DTNA: variants seen among roughly 807,000 people sequenced by gnomAD.
DTNA encodes the protein dystrophin-related protein 3.
A neutral mutation model predicts 100.7 loss-of-function variants in DTNA; 43 were observed. The ratio of observed to expected loss-of-function variants is 0.43; its 90% CI spans 0.33 to 0.55. The LOEUF (loss-of-function observed/expected upper bound fraction) is 0.55, where lower values mean the gene tolerates loss of function less well. Ranked by LOEUF, DTNA falls within the 20% of genes least tolerant of loss-of-function variation. The probability of loss-of-function intolerance (pLI) is 0.04; values close to 1 mark genes in which losing one functional copy is unlikely to be tolerated. For missense variants in DTNA, 798 were observed against 953.9 expected (o/e 0.84, Z 2.15); for synonymous variants, 349 against 347.9 (o/e 1.00, Z -0.04).
chr18:34,527,290 A>G (rs1490231601), intron 1 of DTNA, among the ~76,000 whole-genome samples: 2 of 152,036 alleles, frequency 1.3e-5, no homozygotes, highest in African/African-American at 2.4e-5. Context: ...TTTTATCTCA[A>G]GTCATACTTC....
At chr18:34,841,058 T>G (rs1245323207) in intron 13 of DTNA, among the ~76,000 whole-genome samples, 1 of 151,840 alleles carries the variant, frequency 6.6e-6, no homozygotes, top group Non-Finnish European at 1.5e-5. Context: ...TTCAGAGCCT[T>G]GTATACATAA....
intron 1 of DTNA, among the ~76,000 whole-genome samples, chr18:34,613,859 A>G (rs571687263): frequency 2.2e-3 from 329 of 152,370 alleles, no homozygotes; most frequent in Admixed American, 6.0e-3. Context: ...GATCTAGCTA[A>G]GAAGACTGAG....
chr18:34,653,851 A>T (rs946992593), intron 1 of DTNA, among the ~76,000 whole-genome samples: 1 of 152,100 alleles, frequency 6.6e-6, no homozygotes. Context: ...AACAAAAAAT[A>T]CCACTGAGGA....
chr18:34,759,602 C>T (rs2093006432), intron 2 of DTNA, among the ~76,000 whole-genome samples: 1 of 152,178 alleles, frequency 6.6e-6, no homozygotes, highest in African/African-American at 2.4e-5. Context: ...AGAGTGATGC[C>T]ACCGGCCTGT....
At chr18:34,612,615 T>A (rs1303910675) in intron 1 of DTNA, among the ~76,000 whole-genome samples, 1 of 152,252 alleles carries the variant, frequency 6.6e-6, no homozygotes, top group Non-Finnish European at 1.5e-5. Context: ...GAGTATTTTC[T>A]GCCTATGCTG....
rs9952616 is a variant in DTNA at position 34,623,353 on chromosome 18, T to G, written c.-2+129839T>G. Among the ~76,000 whole-genome samples, 1,360 of 152,362 alleles carry G rather than the reference T, an allele frequency of 8.9e-3. 14 individuals are homozygous for G. Among genetic ancestry groups the G allele is most frequent in the African/African-American group, 0.031 (1,281 of 41,586 alleles). ...AGCAAATCAAGGGAAACTTCATTCA[T>G]ACTGTAGATTTTTGGTGTTGGAGTT... On this transcript the variant is annotated intron_variant, in intron 1 of 19. Coordinates refer to the DTNA transcript ENST00000283365.
chr18:34,706,480 ATATAAT>A (rs201482299), upstream of DTNA, among the ~76,000 whole-genome samples: 1,251 of 152,268 alleles, frequency 8.2e-3, 11 homozygotes, highest in African/African-American at 0.028. Flanking sequence ...GAATATAAGT[ATATAAT>A]TATAATTTTT....
intron 11 of DTNA, among the ~76,000 whole-genome samples, chr18:34,835,294 G>A (rs952339720): frequency 2.6e-5 from 4 of 152,200 alleles, no homozygotes; most frequent in African/African-American, 9.6e-5. Context: ...TATGTTCACG[G>A]TGTAACTCCC....
intron 1 of DTNA, chr18:34,593,420 G>A (rs1421337490): frequency 1.3e-5 from 2 of 152,170 alleles, no homozygotes; most frequent in Admixed American, 6.5e-5. Context: ...TATGATCTCT[G>A]TTGTAATTAC....
intron 1 of DTNA, among the ~76,000 whole-genome samples, chr18:34,557,782 C>G (rs937467000): frequency 2.0e-5 from 3 of 151,946 alleles, no homozygotes; most frequent in Non-Finnish European, 4.4e-5. Context: ...AGCTGTCAGA[C>G]AGGGACATTT....
intron 1 of DTNA, among the ~76,000 whole-genome samples, chr18:34,506,921 GT>G (rs2144772642): frequency 6.6e-6 from 1 of 152,244 alleles, no homozygotes; most frequent in Non-Finnish European, 1.5e-5. Context: ...CAATCTATAT[GT>G]TTTATGCAAG....
chr18:34,518,704 CGTGTGTGTGTGT>C (rs57035462), intron 1 of DTNA, among the ~76,000 whole-genome samples: 1,426 of 121,568 alleles, frequency 0.012, 21 homozygotes, highest in African/African-American at 0.039. Context: ...ATTTGGCAAA[CGTGTGTGTGTGT>C]GTGTGTGTGT....
chr18:34,565,138 G>T (rs1307201224), intron 1 of DTNA, among the ~76,000 whole-genome samples: 3 of 152,158 alleles, frequency 2.0e-5, no homozygotes, highest in Non-Finnish European at 4.4e-5. Context: ...GAATACAACT[G>T]TGCTAAAATA....
chr18:34,516,781 CT>C (rs1160269485), intron 1 of DTNA, among the ~76,000 whole-genome samples: 3 of 152,216 alleles, frequency 2.0e-5, no homozygotes, highest in Non-Finnish European at 2.9e-5. Flanking sequence ...CATCCTTTTC[CT>C]TTTGGATGCC....
Position 34,747,104 on chromosome 18 carries a change from C to CTATCTATATATATATATA in DTNA, c.-1-8869_-1-8868insCTATATATATATATATAT, listed in dbSNP as rs1041438583. 8.1e-5 allele frequency among the ~76,000 whole-genome samples: 12 copies of CTATCTATATATATATATA among 148,224 alleles called. 1 individual carries two copies. Among genetic ancestry groups the CTATCTATATATATATATA allele is most frequent in the African/African-American group, 2.5e-4 (10 of 39,752 alleles). Reference sequence around the variant, plus strand: ...CCCATATCTATATCTATATCTGTATCTATATATATATATATATGTTTATGT... The same window carrying CTATCTATATATATATATA: ...CCCATATCTATATCTATATCTGTATCTATCTATATATATATATATATATATATATATATATGTTTATGT... On this transcript the variant is annotated intron_variant, in intron 1 of 22. Transcript: ENST00000444659.
intron 1 of DTNA, among the ~76,000 whole-genome samples, chr18:34,496,304 G>T (rs2039221903): frequency 6.6e-6 from 1 of 151,580 alleles, no homozygotes; most frequent in Admixed American, 6.6e-5. Flanking sequence ...TGGTCAGAGT[G>T]GTTGTATGCT....
At chr18:34,864,292 C>A (rs1004425236) in intron 17 of DTNA, among the ~76,000 whole-genome samples, 1 of 149,376 alleles carries the variant, frequency 6.7e-6, no homozygotes, top group Admixed American at 6.7e-5. Context: ...GCTCTGTCGC[C>A]CAGGCTGGAG....
At chr18:34,825,142 C>A in intron 9 of DTNA, 3 of 1,317,076 alleles carry the variant, frequency 2.3e-6, no homozygotes, top group South Asian at 1.2e-5. Context: ...TGAATTAGTC[C>A]TTAAATAGAA....
intron 20 of DTNA, among the ~76,000 whole-genome samples, chr18:34,881,663 G>A (rs2096874902): frequency 6.6e-6 from 1 of 151,808 alleles, no homozygotes; most frequent in Admixed American, 6.6e-5. Flanking sequence ...TCACTAGAGG[G>A]CTCACTCTCC....
Sources: gnomAD v4.1 joint callset for allele counts (sites outside exome capture counted in the v4.1 genomes callset) on GRCh38, gnomAD v4.1.1 for gene constraint, MANE v1.5 for transcripts, NCBI Gene and HGNC (gene_info 2026-07-23, HGNC 2026-07-21) for gene names.